Variants in HHIPL1 observed in about 807,000 individuals in gnomAD.
HHIPL1 encodes the protein HHIP like 1.
Under a neutral mutation model 61.8 loss-of-function variants are expected in HHIPL1, and 43 were observed. The ratio of observed to expected loss-of-function variants is 0.70; its 90% confidence interval spans 0.55 to 0.90. The LOEUF is 0.90. Among genes scored for constraint, HHIPL1 ranks in the 40% least tolerant of loss-of-function variants. The pLI, the probability that HHIPL1 is intolerant of heterozygous loss-of-function variation, is 0.00. For synonymous variants in HHIPL1, 482 were observed against 515.8 expected (o/e 0.93, Z 0.89); for missense variants, 1,056 against 1,157.7 (o/e 0.91, Z 1.28).
chr14:99,642,668 G>A (rs1658045169), upstream of HHIPL1, among the ~76,000 whole-genome samples: 1 of 152,018 alleles, frequency 6.6e-6, no homozygotes, highest in Admixed American at 6.6e-5. Flanking sequence ...TGGGACTATA[G>A]GCGCCCATCA....
chr14:99,627,363 T>C, the HHIPL1 span, among the ~76,000 whole-genome samples: 2 of 152,070 alleles, frequency 1.3e-5, no homozygotes, highest in African/African-American at 2.4e-5. This position sits in a 1 kb window ranked among gnomAD's most constrained non-coding sequence, Gnocchi z 4.4. Context: ...CATCCATCCA[T>C]CCATCCGTCC....
the HHIPL1 span, among the ~76,000 whole-genome samples, chr14:99,607,603 G>C: frequency 2.4e-4 from 36 of 152,184 alleles, no homozygotes; most frequent in East Asian, 5.8e-3. Flanking sequence ...TAGGGCCTGT[G>C]GGGGGAGTAC....
the HHIPL1 span, among the ~76,000 whole-genome samples, chr14:99,616,059 C>T: frequency 6.6e-6 from 1 of 152,250 alleles, no homozygotes; most frequent in African/African-American, 2.4e-5. Flanking sequence ...TATAGAGTCA[C>T]GTGCTGCTCC....
Position 99,675,293 on chromosome 14 carries a change from G to T in HHIPL1, c.2016G>T (p.Glu672Asp). ...NSASRAFRDG[E>D]VRLVRPAGLS... Reference sequence around the variant, plus strand: ...CGAGCCGGGCGTTCCGGGATGGCGAGGTGCGCCTGGTGCGGCCCGCGGGCC... The same window carrying T: ...CGAGCCGGGCGTTCCGGGATGGCGATGTGCGCCTGGTGCGGCCCGCGGGCC... The change falls in exon 9 of 9, where the codon GAG becomes GAT. Residue 672 changes from glutamate (E) to aspartate (D), a missense_variant. Glu to Asp is a conservative substitution (Grantham distance 45). Coordinates refer to ENST00000330710, the MANE Select transcript of HHIPL1 (RefSeq NM_001127258.3). This position sits in a 1 kb window ranked among gnomAD's most constrained non-coding sequence, Gnocchi z 5.4. 7.7e-7 allele frequency: 1 copy of T among 1,295,788 alleles called. No homozygotes were observed. Among genetic ancestry groups the T allele is most frequent in the South Asian group, 2.3e-5 (1 of 42,594 alleles). 80.3% of individuals were successfully genotyped at this position (1,295,788 alleles called of 1,614,324 possible).
At chr14:99,631,589 C>A in the HHIPL1 span, among the ~76,000 whole-genome samples, 2 of 152,132 alleles carry the variant, frequency 1.3e-5, no homozygotes, top group Non-Finnish European at 2.9e-5. Flanking sequence ...ATCTGAGGGT[C>A]CTTTCTGCTC....
Position 99,663,006 on chromosome 14 carries a change from G to C in HHIPL1, c.1633G>C (p.Gly545Arg), listed in dbSNP as rs138723739. ...NNYYPYIISF[G>R]EDEAGELYFM... ...CTACTACCCGTACATCATCTCCTTCGGGGAGGACGAGGCCGGTGAGCACTC... is the reference window on the plus strand; with the variant it reads ...CTACTACCCGTACATCATCTCCTTCCGGGAGGACGAGGCCGGTGAGCACTC... The change falls in exon 6 of 9, where the codon GGG becomes CGG. Residue 545 changes from glycine to arginine, a missense_variant. Transcript: ENST00000330710. 6.2e-6 allele frequency: 10 copies of C among 1,609,590 alleles called. No homozygotes were observed. Among genetic ancestry groups the C allele is most frequent in the African/African-American group, 1.3e-5 (1 of 74,894 alleles).
chr14:99,638,653 T>A, the HHIPL1 span, among the ~76,000 whole-genome samples: 1 of 152,216 alleles, frequency 6.6e-6, no homozygotes, highest in African/African-American at 2.4e-5. Flanking sequence ...GAAACAGAGG[T>A]TGGGTTGAGG....
At chr14:99,650,679 C>G (rs1473786959) in intron 1 of HHIPL1, among the ~76,000 whole-genome samples, 1 of 152,248 alleles carries the variant, frequency 6.6e-6, no homozygotes, top group African/African-American at 2.4e-5. Flanking sequence ...GTAATAAGAA[C>G]AGGCCTCCCT....
chr14:99,661,275 C>T (rs745988914), intron 5 of HHIPL1, among the ~76,000 whole-genome samples: 5 of 152,148 alleles, frequency 3.3e-5, no homozygotes, highest in Non-Finnish European at 7.3e-5. Flanking sequence ...TCCTTATCTT[C>T]AGCTACCTCA....
chr14:99,635,935 C>T, the HHIPL1 span, among the ~76,000 whole-genome samples: 3 of 152,276 alleles, frequency 2.0e-5, no homozygotes, highest in Non-Finnish European at 4.4e-5. Context: ...TACTGTGCAT[C>T]GGTCTCAGAG....
At chr14:99,663,609 G>T (rs2056191218) in intron 6 of HHIPL1, among the ~76,000 whole-genome samples, 1 of 152,140 alleles carries the variant, frequency 6.6e-6, no homozygotes. Flanking sequence ...TTAACTGTCT[G>T]GGAATGCAAC....
Position 99,645,228 on chromosome 14 carries a change from G to A in HHIPL1, c.21G>A (p.Gly7=), listed in dbSNP as rs12893887. 233,359 of 1,325,862 alleles carry A rather than the reference G, an allele frequency of 0.18. 22,228 individuals are homozygous for A. The highest frequency in any genetic ancestry group is 0.39 in the East Asian group (12,331 of 31,766). The allele number at this position is 1,325,862 out of a possible 1,614,324, so 82.1% of individuals were successfully genotyped here. A position where few individuals can be genotyped will look rare whatever the true frequency, so the allele number is the denominator to read the frequency against. Residue 7 remains glycine (G), a synonymous_variant, in exon 1 of 9, where the codon GGG becomes GGA. Transcript: ENST00000330710. ...TAGCGATGGCCCGGGCCAGGGCCGG[G>A]GCGCTGCTGGCGCTTTGGGTGCTCG... is the stretch of plus-strand genomic sequence containing the variant. MARARA[G]ALLALWVLGA...
chr14:99,619,988 G>A, the HHIPL1 span, among the ~76,000 whole-genome samples: 1 of 152,184 alleles, frequency 6.6e-6, no homozygotes, highest in Non-Finnish European at 1.5e-5. Context: ...CCTTTCTCCG[G>A]CTTCAAGGAG....
Position 99,652,346 on chromosome 14 carries a change from C to T in HHIPL1, c.378C>T (p.Phe126=), listed in dbSNP as rs1312898248. Residue 126 remains phenylalanine, a synonymous_variant, in exon 2 of 9, where the codon TTC becomes TTT. Transcript: ENST00000330710. ...LDMWHKCRGL[F]RHLSTDQELW... ...TGTGGCATAAGTGCCGGGGGCTGTT[C>T]CGTCACCTGTCAACTGACCAGGAGC... is the stretch of plus-strand genomic sequence containing the variant. The T allele has an allele frequency of 1.2e-6, 2 of 1,614,074 alleles. No individual in the cohort carries two copies. Among genetic ancestry groups the T allele is most frequent in the Non-Finnish European group, 8.5e-7 (1 of 1,180,058 alleles).
At position 99,671,461 on chromosome 14, in the gene HHIPL1, C is replaced by T. The variant is rs1425414004; in HGVS notation, c.1731-856C>T. Among the ~76,000 whole-genome samples, 3 of 152,144 alleles carry T rather than the reference C, an allele frequency of 2.0e-5. No individual in the cohort carries two copies. The East Asian group carries it at 5.8e-4, about 29-fold the overall frequency. On this transcript the variant is annotated intron_variant, in intron 7 of 8. Transcript: ENST00000330710. Reference sequence around the variant, plus strand: ...GCCTCTGGGGACAAAGACCCTTGTCCCTCTTTTGTGTCCCTCTTCGGCCAA... The same window carrying T: ...GCCTCTGGGGACAAAGACCCTTGTCTCTCTTTTGTGTCCCTCTTCGGCCAA...
intron 5 of HHIPL1, 80 bp from the exon 6 acceptor site, chr14:99,662,796 T>C: frequency 1.5e-6 from 2 of 1,303,422 alleles, no homozygotes; most frequent in Non-Finnish European, 2.1e-6. Context: ...CATGGATGGA[T>C]GGATGGATGG....
the HHIPL1 span, among the ~76,000 whole-genome samples, chr14:99,621,006 G>C: frequency 2.6e-5 from 4 of 152,238 alleles, no homozygotes; most frequent in African/African-American, 9.6e-5. Flanking sequence ...AGCTAAGAGA[G>C]CATGGCCATC....
At chr14:99,658,219 A>AT (rs2056083702) in intron 3 of HHIPL1, among the ~76,000 whole-genome samples, 1 of 152,224 alleles carries the variant, frequency 6.6e-6, no homozygotes, top group South Asian at 2.1e-4. Context: ...GAAAACAGAA[A>AT]TTAAGGATTA....
intron 1 of HHIPL1, among the ~76,000 whole-genome samples, chr14:99,650,472 C>G (rs1391780836): frequency 6.6e-6 from 1 of 152,186 alleles, no homozygotes; most frequent in Non-Finnish European, 1.5e-5. Context: ...CAGGGAGGCC[C>G]GCAGACAGCC....
Sources: gnomAD v4.1 joint callset for allele counts (sites outside exome capture counted in the v4.1 genomes callset) on GRCh38, gnomAD v4.1.1 for gene constraint, Gnocchi (gnomAD v3.1) non-coding constraint, MANE v1.5 for transcripts, NCBI Gene and HGNC (gene_info 2026-07-23, HGNC 2026-07-21) for gene names.